Variants in AP2A2 observed in about 807,000 individuals in gnomAD.
AP2A2 encodes adaptor related protein complex 2 subunit alpha 2, also known as AP-2 complex subunit alpha-2.
Under a neutral mutation model 104.2 loss-of-function variants are expected in AP2A2, and 32 were observed. The observed-to-expected ratio is 0.31, with a 90% CI of 0.23 to 0.41. The LOEUF (loss-of-function observed/expected upper bound fraction) is 0.41. AP2A2 is among the 10% of genes least tolerant of loss of function. The pLI is 1.00. For missense variants in AP2A2, 912 were observed against 1,261.0 expected, an observed-to-expected ratio of 0.72 and a Z score of 4.19; for synonymous variants, 539 against 533.3, an observed-to-expected ratio of 1.01 and a Z score of -0.15.
rs968145419 is a variant in AP2A2 at position 925,880 on chromosome 11, G to C, written c.-142G>C. ...CGCGCGCGGCGGCCCAGAAAGCGGC[G>C]CTGGGACCCTGAGGCGGCCGTGGTT... On this transcript the variant is annotated 5_prime_UTR_variant, in exon 1 of 22. Coordinates refer to ENST00000448903, the MANE Select transcript of AP2A2 (RefSeq NM_012305.4). 114 of 515,980 alleles carry C rather than the reference G, an allele frequency of 2.2e-4. No individual in the cohort carries two copies. Among genetic ancestry groups the C allele is most frequent in the Non-Finnish European group, 3.2e-4 (107 of 338,356 alleles). The allele number at this position is 515,980 out of a possible 1,614,324, so 32.0% of individuals were successfully genotyped here. A position where few individuals can be genotyped will look rare whatever the true frequency, so the allele number is the denominator to read the frequency against.
At chr11:929,821 C>T (rs1853231674) in intron 1 of AP2A2, among the ~76,000 whole-genome samples, 1 of 151,932 alleles carries the variant, frequency 6.6e-6, no homozygotes, top group African/African-American at 2.4e-5. Context: ...AAAGTTTTTC[C>T]CCTCCAAGAC....
chr11:978,739 A>G (rs1855137728), intron 5 of AP2A2, among the ~76,000 whole-genome samples: 1 of 152,198 alleles, frequency 6.6e-6, no homozygotes, highest in Non-Finnish European at 1.5e-5. Flanking sequence ...GTCTCAAGTC[A>G]GGAGCCCCCA....
intron 2 of AP2A2, 55 bp from the exon 3 acceptor site, chr11:970,114 C>G: frequency 7.5e-6 from 12 of 1,595,636 alleles, no homozygotes; most frequent in Non-Finnish European, 1.0e-5. Flanking sequence ...CTGCTCTCCC[C>G]TCTCCCCTGC....
chr11:996,807 T>C (rs1855870918), intron 14 of AP2A2, among the ~76,000 whole-genome samples: 1 of 148,654 alleles, frequency 6.7e-6, no homozygotes, highest in South Asian at 2.1e-4. Flanking sequence ...TAGGGAGGTG[T>C]CTGTGGCCGA....
intron 1 of AP2A2, among the ~76,000 whole-genome samples, chr11:935,603 G>GTTTTTTTTGTTTTTTTTT (rs1371841792): frequency 2.6e-5 from 2 of 77,988 alleles, no homozygotes; most frequent in African/African-American, 9.4e-5. Context: ...TGCCCGGCCA[G>GTTTTTTTTGTTTTTTTTT]TTTTTTTTTT....
At chr11:969,612 A>G (rs1391571869) in intron 2 of AP2A2, among the ~76,000 whole-genome samples, 1 of 152,052 alleles carries the variant, frequency 6.6e-6, no homozygotes. Context: ...CCCTGCCATG[A>G]TCCCTTGTGA....
chr11:967,656 G>T (rs187437548), intron 2 of AP2A2, among the ~76,000 whole-genome samples: 1 of 152,172 alleles, frequency 6.6e-6, no homozygotes, highest in East Asian at 1.9e-4. Context: ...CACCATGCGC[G>T]GCCCTGTTTC....
intron 1 of AP2A2, among the ~76,000 whole-genome samples, chr11:934,334 A>G (rs367654263): frequency 1.2e-4 from 19 of 152,298 alleles, no homozygotes; most frequent in African/African-American, 4.6e-4. Flanking sequence ...TATGTTGCCC[A>G]GGATGGTCTT....
chr11:1,007,865 GGTGGT>G (rs1178140291), intron 17 of AP2A2, 142 bp from the exon 18 acceptor site: 2 of 1,109,554 alleles, frequency 1.8e-6, no homozygotes, highest in Non-Finnish European at 2.6e-6. Context: ...GGCAGGGCCG[GGTGGT>G]GTGGCTGCCC....
intron 1 of AP2A2, among the ~76,000 whole-genome samples, chr11:939,392 T>G (rs1421073270): frequency 6.6e-6 from 1 of 152,204 alleles, no homozygotes; most frequent in Non-Finnish European, 1.5e-5. Flanking sequence ...GCTTTTTAAG[T>G]CTAAATTGTG....
At chr11:977,501 A>G (rs1200254783) in intron 5 of AP2A2, among the ~76,000 whole-genome samples, 3 of 148,390 alleles carry the variant, frequency 2.0e-5, no homozygotes, top group Middle Eastern at 3.2e-3. Flanking sequence ...GGAAACACCT[A>G]TCTAGTATGC....
In AP2A2 at chr11:988,633, G is replaced by A. The variant is rs1855544489; in HGVS notation, c.1213G>A (p.Val405Met). ...MCDRSNAPQI[V>M]AEMLSYLETA... ...CGACCGCAGCAACGCCCCACAGATC[G>A]TGGCCGAGATGCTGAGCTATCTGGA... Residue 405 changes from valine to methionine, a missense_variant, in exon 10 of 22, where the codon GTG (valine) becomes ATG (methionine). Around this residue, in one of 7 missense-constraint regions of AP2A2, gnomAD observed 350 missense variants for 487.0 expected, o/e 0.72. Coordinates refer to ENST00000448903, the MANE Select transcript of AP2A2 (RefSeq NM_012305.4). 3.7e-6 allele frequency: 6 copies of A among 1,613,564 alleles called. No homozygotes were observed. The highest frequency in any genetic ancestry group is 1.7e-5 in the Admixed American group (1 of 60,016).
intron 10 of AP2A2, among the ~76,000 whole-genome samples, chr11:990,309 G>A (rs1287219844): frequency 1.3e-5 from 2 of 152,202 alleles, no homozygotes; most frequent in Non-Finnish European, 1.5e-5. Flanking sequence ...GTCTGTAGAG[G>A]GGCCAGGCAG....
In AP2A2 at chr11:935,562, A is replaced by C. The variant is rs577935002; in HGVS notation, c.67+9474A>C. ...AGTGATGCGCCTGCCTTGGGCCCCC[A>C]AAGTGTTGAGATTACAAGTGTGAGC... is the stretch of plus-strand genomic sequence containing the variant. On this transcript the variant is annotated intron_variant, in intron 1 of 21. Transcript: ENST00000448903. Among the ~76,000 whole-genome samples, 645 of 147,270 alleles carry C rather than the reference A, an allele frequency of 4.4e-3. 5 individuals carry two copies. The highest frequency in any genetic ancestry group is 4.1e-3 in the Non-Finnish European group (278 of 67,400).
At chr11:936,046 C>T (rs1201788114) in intron 1 of AP2A2, among the ~76,000 whole-genome samples, 5 of 150,420 alleles carry the variant, frequency 3.3e-5, no homozygotes, top group South Asian at 4.2e-4. Flanking sequence ...GGACTACAGG[C>T]GCCCACCACC....
At chr11:976,238 T>C (rs966546400) in intron 4 of AP2A2, among the ~76,000 whole-genome samples, 7 of 152,216 alleles carry the variant, frequency 4.6e-5, no homozygotes, top group African/African-American at 1.2e-4. Flanking sequence ...TACTCCTCCT[T>C]GCAGGGGCGT....
In AP2A2 at chr11:1,000,437, G is replaced by T; in HGVS notation, c.1962G>T (p.Thr654=). The change falls in exon 15 of 22, where the codon ACG becomes ACT. Residue 654 remains threonine, a synonymous_variant. Coordinates refer to ENST00000448903, the MANE Select transcript of AP2A2 (RefSeq NM_012305.4). ...PAPASTSAVS[T]PSPSADLLGL... is the part of the protein sequence containing the mutation. ...TCTCCTTCCTTCTCTTCCAGTCTAC[G>T]CCTTCTCCGTCGGCAGACCTGCTGG... is the stretch of plus-strand genomic sequence containing the variant. 1 of 1,544,232 alleles carries T rather than the reference G, an allele frequency of 6.5e-7. No individual in the cohort carries two copies.
chr11:995,951 TGCTTATGTTTCTCATGTGCTCTGTAGA>T (rs1274316451), intron 14 of AP2A2: 1 of 151,722 alleles, frequency 6.6e-6, no homozygotes, highest in Non-Finnish European at 1.5e-5. Flanking sequence ...AGCACCTTCA[TGCTTATGTTTCTCATGTGCTCTGTAGA>T]GCTGGTGACC....
chr11:979,662 G>C (rs1855174340), intron 5 of AP2A2, among the ~76,000 whole-genome samples: 1 of 152,152 alleles, frequency 6.6e-6, no homozygotes, highest in African/African-American at 2.4e-5. Context: ...CCTGGGTTCA[G>C]GCGATTGTCC....
Sources: allele counts gnomAD v4.1 joint callset (sites outside exome capture counted in the v4.1 genomes callset), GRCh38; gene constraint gnomAD v4.1.1; regional missense constraint gnomAD v4.1.1; transcripts MANE v1.5; gene names NCBI Gene and HGNC (gene_info 2026-07-23, HGNC 2026-07-21).